The following ZFAND6 variants were observed in gnomAD, a reference collection of about 807,000 sequenced individuals.
ZFAND6 encodes the protein zinc finger AN1-type containing 6, also known as AN1-type zinc finger protein 6.
In ZFAND6, 12 loss-of-function variants were observed where a neutral mutation model predicts 24.5. The ratio of observed to expected loss-of-function variants is 0.49; its 90% CI spans 0.31 to 0.79. The LOEUF is 0.79. Ranked by LOEUF, ZFAND6 falls within the 30% of genes least tolerant of loss-of-function variation. The pLI is 0.04. For missense variants in ZFAND6, 207 were observed against 245.9 expected, an observed-to-expected ratio of 0.84 and a Z score of 1.06; for synonymous variants, 92 against 81.5, an observed-to-expected ratio of 1.13 and a Z score of -0.69.
intron 1 of ZFAND6, among the ~76,000 whole-genome samples, chr15:80,077,214 A>G (rs2037335405): frequency 6.6e-6 from 1 of 152,226 alleles, no homozygotes; most frequent in South Asian, 2.1e-4. Flanking sequence ...CCGGGTGTAT[A>G]AAGCACCTGC....
chr15:80,131,137 C>G (rs1331117201), intron 5 of ZFAND6, 43 bp from the exon 6 acceptor site: 26 of 1,469,490 alleles, frequency 1.8e-5, no homozygotes, highest in Non-Finnish European at 2.4e-5. Context: ...ATAGCAAAAT[C>G]TTACAGAATA....
intron 1 of ZFAND6, among the ~76,000 whole-genome samples, chr15:80,069,981 C>T (rs891941658): frequency 6.6e-6 from 1 of 152,080 alleles, no homozygotes; most frequent in Non-Finnish European, 1.5e-5. Flanking sequence ...TTATGTTTTG[C>T]TAATGTCAGG....
At chr15:80,095,109 A>G (rs1319434681) in intron 1 of ZFAND6, among the ~76,000 whole-genome samples, 2 of 152,066 alleles carry the variant, frequency 1.3e-5, no homozygotes, top group African/African-American at 2.4e-5. Flanking sequence ...AATCCAACCC[A>G]TAATCATTCA....
intron 2 of ZFAND6, among the ~76,000 whole-genome samples, chr15:80,117,064 C>T (rs1384253988): frequency 6.6e-6 from 1 of 152,146 alleles, no homozygotes; most frequent in African/African-American, 2.4e-5. Flanking sequence ...CAACTAATCA[C>T]ATTTAATTAA....
intron 1 of ZFAND6, among the ~76,000 whole-genome samples, chr15:80,063,093 A>T (rs2036422126): frequency 1.3e-5 from 2 of 152,186 alleles, no homozygotes; most frequent in Non-Finnish European, 2.9e-5. Context: ...CAATATACCA[A>T]ATAAAATTGA....
At chr15:80,061,390 CA>C (rs997510010) in intron 1 of ZFAND6, among the ~76,000 whole-genome samples, 2 of 148,910 alleles carry the variant, frequency 1.3e-5, no homozygotes, top group South Asian at 2.1e-4. Flanking sequence ...TTAATACTAC[CA>C]AAAAAAAACA....
At chr15:80,086,086 T>A (rs1044292993) in intron 1 of ZFAND6, among the ~76,000 whole-genome samples, 1 of 152,244 alleles carries the variant, frequency 6.6e-6, no homozygotes, top group African/African-American at 2.4e-5. Flanking sequence ...TTGCCCAGGC[T>A]GGAGTGCAAT....
At chr15:80,083,879 G>A (rs1408966350) in intron 1 of ZFAND6, among the ~76,000 whole-genome samples, 3 of 152,174 alleles carry the variant, frequency 2.0e-5, no homozygotes, top group African/African-American at 7.2e-5. Context: ...TGGAAGTTGA[G>A]AGCTTTAGGG....
intron 2 of ZFAND6, among the ~76,000 whole-genome samples, chr15:80,105,784 T>C (rs1056662917): frequency 6.6e-6 from 1 of 152,244 alleles, no homozygotes; most frequent in African/African-American, 2.4e-5. Flanking sequence ...TTAAACTTCC[T>C]TTCATGATGC....
intron 1 of ZFAND6, among the ~76,000 whole-genome samples, chr15:80,081,320 G>C (rs2037653677): frequency 6.6e-6 from 1 of 152,084 alleles, no homozygotes; most frequent in Non-Finnish European, 1.5e-5. Context: ...GTCCTTTTCT[G>C]GAGGAAACTC....
At chr15:80,118,164 C>T (rs2039976720) in intron 2 of ZFAND6, among the ~76,000 whole-genome samples, 1 of 152,076 alleles carries the variant, frequency 6.6e-6, no homozygotes, top group Non-Finnish European at 1.5e-5. Flanking sequence ...CTCTGTTGCC[C>T]AGGCTGGAGT....
chr15:80,090,224 T>C (rs979153301), intron 1 of ZFAND6, among the ~76,000 whole-genome samples: 4 of 152,228 alleles, frequency 2.6e-5, no homozygotes, highest in African/African-American at 9.6e-5. Context: ...CCTCAGTATC[T>C]GATAGTACCT....
chr15:80,091,018 A>G (rs1349681564), intron 1 of ZFAND6, among the ~76,000 whole-genome samples: 3 of 152,194 alleles, frequency 2.0e-5, no homozygotes, highest in Non-Finnish European at 4.4e-5. Flanking sequence ...TTGTTGAATC[A>G]CACATCCTAG....
chr15:80,082,307 T>C (rs1365323173), intron 1 of ZFAND6, among the ~76,000 whole-genome samples: 2 of 152,210 alleles, frequency 1.3e-5, no homozygotes, highest in Non-Finnish European at 2.9e-5. Flanking sequence ...TATCATGAGA[T>C]GGGTATTATT....
chr15:80,063,848 G>A (rs2036467530), intron 1 of ZFAND6, among the ~76,000 whole-genome samples: 1 of 152,086 alleles, frequency 6.6e-6, no homozygotes, highest in Non-Finnish European at 1.5e-5. Context: ...ACTGCACCCG[G>A]CCTAAATTTT....
intron 1 of ZFAND6, among the ~76,000 whole-genome samples, chr15:80,096,073 C>G (rs2038705868): frequency 6.6e-6 from 1 of 152,208 alleles, no homozygotes; most frequent in South Asian, 2.1e-4. Context: ...GATTTGGCTT[C>G]AGGTCCTAGC....
At chr15:80,123,890 T>C (rs565027274) in intron 5 of ZFAND6, among the ~76,000 whole-genome samples, 35 of 152,100 alleles carry the variant, frequency 2.3e-4, no homozygotes, top group Non-Finnish European at 4.0e-4. Flanking sequence ...GTCTCAAGAA[T>C]TAAATAAACA....
At chr15:80,084,077 T>G (rs1306927089) in intron 1 of ZFAND6, among the ~76,000 whole-genome samples, 1 of 152,122 alleles carries the variant, frequency 6.6e-6, no homozygotes, top group Non-Finnish European at 1.5e-5. Context: ...AAGAAACAGC[T>G]CAGATCTGAA....
Position 80,122,335 on chromosome 15 carries a change from T to G in ZFAND6, c.264-365T>G, listed in dbSNP as rs895479722. Reference sequence around the variant, plus strand: ...ATATATTAAGTTCCTACACTGGGGTTCCTTTTTTCCAGTTCATGATAAGAT... The same window carrying G: ...ATATATTAAGTTCCTACACTGGGGTGCCTTTTTTCCAGTTCATGATAAGAT... On this transcript the variant is annotated intron_variant, in intron 4 of 6. Transcript: ENST00000261749. 8.9e-4 allele frequency among the ~76,000 whole-genome samples: 136 copies of G among 152,204 alleles called. 5 individuals are homozygous for G. Among genetic ancestry groups the G allele is most frequent in the Non-Finnish European group, 2.5e-4 (17 of 68,026 alleles).
Sources: allele counts gnomAD v4.1 joint callset (sites outside exome capture counted in the v4.1 genomes callset), GRCh38; gene constraint gnomAD v4.1.1; transcripts MANE v1.5; gene names NCBI Gene and HGNC (gene_info 2026-07-23, HGNC 2026-07-21).